The following ANAPC4 variants were observed in gnomAD, a reference collection of about 807,000 sequenced individuals.
ANAPC4 encodes the protein anaphase promoting complex subunit 4, also known as anaphase-promoting complex subunit 4.
A neutral mutation model predicts 119.8 loss-of-function variants in ANAPC4; 63 were observed. The observed-to-expected ratio is 0.53, with a 90% CI of 0.43 to 0.65. The LOEUF is 0.65. Ranked by LOEUF, ANAPC4 falls within the 30% of genes least tolerant of loss-of-function variation. The probability of loss-of-function intolerance (pLI) is 0.00; values close to 1 mark genes in which losing one functional copy is unlikely to be tolerated. For synonymous variants in ANAPC4, 283 were observed against 318.6 expected (o/e 0.89, Z 1.19); for missense variants, 716 against 945.1 (o/e 0.76, Z 3.18).
rs747353957 is a variant in ANAPC4 at position 25,388,899 on chromosome 4, A to G, written c.515+17A>G. ...AGACGTCAGGTAAATCTTACAGATA[A>G]ATAAGTCTAATTTCTTAAAGTTATT... On this transcript the variant is annotated intron_variant, in intron 7 of 28. Transcript: ENST00000315368. 7.7e-6 allele frequency: 12 copies of G among 1,562,300 alleles called. No homozygotes were observed. In the Admixed American group the frequency reaches 2.0e-4, roughly 26 times the overall value.
At chr4:25,413,849 T>G in intron 22 of ANAPC4, 107 bp downstream of exon 22, 1 of 891,424 alleles carries the variant, frequency 1.1e-6, no homozygotes, top group Non-Finnish European at 1.7e-6. Context: ...ATGAAAATGT[T>G]GATAGTCAAC....
Position 25,418,332 on chromosome 4 carries a change from C to G in ANAPC4, c.2377C>G (p.Pro793Ala), listed in dbSNP as rs779503444. The part of the protein sequence containing the change: ...NQQAGAAALA[P>A]EIVIKVEKLD... Reference sequence around the variant, plus strand: ...ACAAGCTGGTGCTGCCGCTTTAGCTCCAGAGATAGTCATTAAAGTGGAAAA... The same window carrying G: ...ACAAGCTGGTGCTGCCGCTTTAGCTGCAGAGATAGTCATTAAAGTGGAAAA... The change falls in exon 29 of 29, where the codon CCA becomes GCA. Residue 793 changes from proline to alanine, a missense_variant. Pro to Ala is a conservative substitution (Grantham distance 27, BLOSUM62 -1). This residue lies in a region of ANAPC4 where 504 missense variants were observed against 615.8 expected (regional missense o/e 0.82). Coordinates refer to ENST00000315368, the MANE Select transcript of ANAPC4 (RefSeq NM_013367.3). 2 of 1,613,996 alleles carry G rather than the reference C, an allele frequency of 1.2e-6. No individual in the cohort carries two copies. The highest frequency in any genetic ancestry group is 2.2e-5 in the South Asian group (2 of 91,068).
At chr4:25,394,283 C>A in intron 11 of ANAPC4, 27 bp from the exon 12 acceptor site, 1 of 1,556,838 alleles carries the variant, frequency 6.4e-7, no homozygotes, top group Non-Finnish European at 8.7e-7. Flanking sequence ...ATACATATAT[C>A]ACAATTTTTT....
intron 10 of ANAPC4, among the ~76,000 whole-genome samples, chr4:25,393,585 C>T (rs1049724559): frequency 2.0e-5 from 3 of 152,150 alleles, no homozygotes; most frequent in Non-Finnish European, 4.4e-5. Flanking sequence ...TCGCTTGAAC[C>T]TGGGAGGCAG....
chr4:25,408,546 T>G (rs2109139608), intron 20 of ANAPC4, among the ~76,000 whole-genome samples: 1 of 152,198 alleles, frequency 6.6e-6, no homozygotes, highest in East Asian at 1.9e-4. Flanking sequence ...AATTTTTTTT[T>G]TTTTGAGACA....
At chr4:25,396,041 A>G (rs1722630600) in intron 14 of ANAPC4, among the ~76,000 whole-genome samples, 1 of 152,162 alleles carries the variant, frequency 6.6e-6, no homozygotes, top group South Asian at 2.1e-4. Flanking sequence ...TCTCCTGCCT[A>G]GGGCTTTTGC....
intron 11 of ANAPC4, 104 bp downstream of exon 11, chr4:25,393,995 G>T (rs1722499641): frequency 9.3e-6 from 9 of 970,370 alleles, no homozygotes; most frequent in Non-Finnish European, 3.0e-6. Flanking sequence ...AAAAGGCTAA[G>T]ATCATAATTT....
At chr4:25,379,456 C>T (rs1444661566) in intron 2 of ANAPC4, among the ~76,000 whole-genome samples, 1 of 152,136 alleles carries the variant, frequency 6.6e-6, no homozygotes. Flanking sequence ...GAAGAAATGG[C>T]ATCAAGCATC....
chr4:25,381,178 GTGT>G (rs1560427538), intron 3 of ANAPC4, among the ~76,000 whole-genome samples: 8 of 152,158 alleles, frequency 5.3e-5, no homozygotes. Flanking sequence ...TGTAAAATAT[GTGT>G]TGTTCTTTGC....
chr4:25,392,210 C>G, intron 9 of ANAPC4, 128 bp from the exon 10 acceptor site: 1 of 651,832 alleles, frequency 1.5e-6, no homozygotes, highest in Non-Finnish European at 2.8e-6. Context: ...GTTTCCAAAC[C>G]GTTCTGCTCA....
At chr4:25,394,519 C>T (rs1455322719) in intron 12 of ANAPC4, 145 bp downstream of exon 12, 13 of 1,003,078 alleles carry the variant, frequency 1.3e-5, no homozygotes, top group East Asian at 5.4e-5. Flanking sequence ...TACATACTTA[C>T]GGGGTATATG....
Position 25,414,463 on chromosome 4 carries a change from TAGTG to T in ANAPC4, c.1686_1689del (p.Ser562ArgfsTer29). 6.2e-7 allele frequency: 1 copy of T among 1,601,162 alleles called. No homozygotes were observed. The highest frequency in any genetic ancestry group is 8.5e-7 in the Non-Finnish European group (1 of 1,170,612). On this transcript the variant is annotated splice_acceptor_variant and coding_sequence_variant, in exon 24 of 29. Transcript: ENST00000315368. LOFTEE classifies it high-confidence loss of function. ...TCTCATTTCTTTTTCCCTTTTATTT[TAGTG>T]AGGATTCTACACGTAGATTGTTCAA...
At chr4:25,393,149 C>T (rs1722447790) in intron 10 of ANAPC4, among the ~76,000 whole-genome samples, 1 of 152,130 alleles carries the variant, frequency 6.6e-6, no homozygotes, top group Non-Finnish European at 1.5e-5. Context: ...TTAAAGGTTT[C>T]TAGAGATCAG....
At chr4:25,393,973 A>T (rs1722498725) in intron 11 of ANAPC4, 82 bp downstream of exon 11, 11 of 1,118,882 alleles carry the variant, frequency 9.8e-6, no homozygotes. Context: ...GAGAAAAATC[A>T]GTTTGATTCA....
At chr4:25,407,063 T>C in intron 19 of ANAPC4, 134 bp from the exon 20 acceptor site, 1 of 899,922 alleles carries the variant, frequency 1.1e-6, no homozygotes. Context: ...TTTGTTTGTG[T>C]GTCTTATAAT....
chr4:25,409,310 G>A (rs1334110577), intron 20 of ANAPC4, among the ~76,000 whole-genome samples: 3 of 152,160 alleles, frequency 2.0e-5, no homozygotes, highest in Non-Finnish European at 1.5e-5. Context: ...ATTTAAGTTC[G>A]ATTTGTGATC....
intron 12 of ANAPC4, 53 bp from the exon 13 acceptor site, chr4:25,394,618 C>A: frequency 6.6e-7 from 1 of 1,504,578 alleles, no homozygotes; most frequent in Non-Finnish European, 9.0e-7. Context: ...GTAAGTGATG[C>A]ATTCAGATTT....
At chr4:25,392,552 T>C (rs370739536) in intron 10 of ANAPC4, 131 bp downstream of exon 10, 2 of 621,070 alleles carry the variant, frequency 3.2e-6, no homozygotes, top group South Asian at 2.3e-5. Context: ...GATGATCTTA[T>C]AAGGTCCATT....
intron 27 of ANAPC4, 70 bp from the exon 28 acceptor site, chr4:25,417,546 C>G: frequency 6.9e-7 from 1 of 1,449,448 alleles, no homozygotes; most frequent in South Asian, 1.6e-5. Context: ...GACCCTAATA[C>G]CACCTGTAGT....
Sources: gnomAD v4.1 joint callset for allele counts (sites outside exome capture counted in the v4.1 genomes callset) on GRCh38, gnomAD v4.1.1 for gene constraint, gnomAD v4.1.1 regional missense constraint, MANE v1.5 for transcripts, NCBI Gene and HGNC (gene_info 2026-07-23, HGNC 2026-07-21) for gene names.